Variants in SORCS1 observed in about 807,000 individuals in gnomAD.
SORCS1 encodes sortilin related VPS10 domain containing receptor 1.
SORCS1 carries 60 observed loss-of-function variants against 146.1 expected under a neutral mutation model. The ratio of observed to expected loss-of-function variants is 0.41; its 90% CI spans 0.33 to 0.51. SORCS1 has a LOEUF of 0.51. Among genes scored for constraint, SORCS1 ranks in the 20% least tolerant of loss-of-function variants. SORCS1 has a pLI of 0.21. For missense variants in SORCS1, 1,352 were observed against 1,487.6 expected, an observed-to-expected ratio of 0.91 and a Z score of 1.50; for synonymous variants, 637 against 584.0, an observed-to-expected ratio of 1.09 and a Z score of -1.31.
chr10:106,938,259 A>G (rs567338006), intron 2 of SORCS1, among the ~76,000 whole-genome samples: 1 of 152,334 alleles, frequency 6.6e-6, no homozygotes, highest in East Asian at 1.9e-4. Context: ...TCAGGAACTT[A>G]GCACATCAAG....
intron 1 of SORCS1, among the ~76,000 whole-genome samples, chr10:107,120,968 A>C (rs1966370450): frequency 6.6e-6 from 1 of 152,192 alleles, no homozygotes; most frequent in African/African-American, 2.4e-5. Flanking sequence ...CTTAGGGTCT[A>C]TATGCCAAAA....
intron 1 of SORCS1, among the ~76,000 whole-genome samples, chr10:106,967,971 G>A (rs901733612): frequency 9.9e-5 from 15 of 151,588 alleles, no homozygotes; most frequent in African/African-American, 2.2e-4. Context: ...TTGGGAGGCC[G>A]AGGCAGGCGG....
intron 18 of SORCS1, among the ~76,000 whole-genome samples, chr10:106,632,723 T>G (rs1195168061): frequency 1.3e-5 from 2 of 152,186 alleles, no homozygotes; most frequent in African/African-American, 2.4e-5. Flanking sequence ...GCACTTTAAT[T>G]AACTAATCAT....
chr10:106,592,863 T>C (rs1350076749), intron 24 of SORCS1, among the ~76,000 whole-genome samples: 1 of 151,604 alleles, frequency 6.6e-6, no homozygotes, highest in Non-Finnish European at 1.5e-5. Context: ...TAAAAGCAAT[T>C]GTGGTGGCTC....
In SORCS1 at chr10:106,776,518, A is replaced by T. The variant is rs1053010321; in HGVS notation, c.885+16T>A. 3.7e-6 allele frequency: 6 copies of T among 1,613,262 alleles called. No individual in the cohort carries two copies. The Middle Eastern group carries it at 4.9e-4, about 133-fold the overall frequency. ...GAACCATGCTTCATTGTCTCAAACA[A>T]GGTAAGTATGCTCACCTTTTGGTCT... On this transcript the variant is annotated intron_variant, in intron 4 of 25. Transcript: ENST00000263054.
the SORCS1 span, among the ~76,000 whole-genome samples, chr10:107,177,755 T>C: frequency 6.6e-6 from 1 of 152,232 alleles, no homozygotes; most frequent in Non-Finnish European, 1.5e-5. Flanking sequence ...ATTTTGAATA[T>C]TCTCTTCTAG....
At chr10:106,885,022 A>C (rs1950941999) in intron 2 of SORCS1, among the ~76,000 whole-genome samples, 1 of 152,220 alleles carries the variant, frequency 6.6e-6, no homozygotes, top group Non-Finnish European at 1.5e-5. Context: ...ATCAAGGATA[A>C]AGACTGATAA....
intron 17 of SORCS1, among the ~76,000 whole-genome samples, chr10:106,657,639 T>A (rs1589589487): frequency 7.0e-6 from 1 of 142,490 alleles, no homozygotes; most frequent in African/African-American, 2.6e-5. Context: ...ATATTATATA[T>A]CTCAAAAATA....
At chr10:106,641,597 T>C (rs1044925600) in intron 18 of SORCS1, among the ~76,000 whole-genome samples, 1 of 152,212 alleles carries the variant, frequency 6.6e-6, no homozygotes, top group Non-Finnish European at 1.5e-5. Context: ...GTTTCAGTTT[T>C]ATCTCTATGC....
chr10:106,920,911 G>A (rs974584889), intron 2 of SORCS1, among the ~76,000 whole-genome samples: 2 of 152,082 alleles, frequency 1.3e-5, no homozygotes. Flanking sequence ...CATGAGGCCT[G>A]CTTGTCCCTC....
intron 19 of SORCS1, among the ~76,000 whole-genome samples, chr10:106,625,828 A>C (rs1848072744): frequency 6.6e-6 from 1 of 151,632 alleles, no homozygotes; most frequent in African/African-American, 2.4e-5. Flanking sequence ...TTTCTGCAAG[A>C]CTGGCTGCGA....
At chr10:106,667,934 A>C (rs867479196) in intron 16 of SORCS1, 132 bp from the exon 17 acceptor site, 153 of 620,956 alleles carry the variant, frequency 2.5e-4, no homozygotes, top group African/African-American at 2.4e-3. Context: ...CAAAAAAAAA[A>C]AACACAAGCA....
At chr10:106,785,944 G>T (rs1201737165) in intron 3 of SORCS1, among the ~76,000 whole-genome samples, 1 of 152,144 alleles carries the variant, frequency 6.6e-6, no homozygotes, top group Non-Finnish European at 1.5e-5. Flanking sequence ...GGTGGAAAAG[G>T]GTCAATGTGC....
At chr10:106,790,747 C>T (rs898588134) in intron 3 of SORCS1, among the ~76,000 whole-genome samples, 1 of 152,154 alleles carries the variant, frequency 6.6e-6, no homozygotes, top group African/African-American at 2.4e-5. Context: ...AAGAGTGCTC[C>T]TAGTGATGGC....
chr10:106,728,353 T>C (rs1041517138), intron 6 of SORCS1, among the ~76,000 whole-genome samples: 12 of 152,190 alleles, frequency 7.9e-5, no homozygotes, highest in African/African-American at 2.9e-4. Flanking sequence ...GAATCCAAGA[T>C]AACATCATCT....
At chr10:106,796,606 T>A (rs1414585428) in intron 3 of SORCS1, among the ~76,000 whole-genome samples, 2 of 152,212 alleles carry the variant, frequency 1.3e-5, no homozygotes, top group Non-Finnish European at 2.9e-5. Flanking sequence ...ATCTTTCTTC[T>A]CTTTTCCTGG....
At chr10:106,798,557 G>A (rs933568544) in intron 3 of SORCS1, among the ~76,000 whole-genome samples, 22 of 150,852 alleles carry the variant, frequency 1.5e-4, no homozygotes, top group South Asian at 1.0e-3. Flanking sequence ...TTGTCCTTGC[G>A]ATAGTTTGCT....
intron 1 of SORCS1, among the ~76,000 whole-genome samples, chr10:107,044,956 A>G (rs970789005): frequency 6.6e-6 from 1 of 152,166 alleles, no homozygotes; most frequent in Non-Finnish European, 1.5e-5. Context: ...CATTTGACAT[A>G]AGGCTTTAGG....
intron 17 of SORCS1, among the ~76,000 whole-genome samples, chr10:106,660,072 C>T (rs1850608434): frequency 1.3e-5 from 2 of 152,052 alleles, no homozygotes; most frequent in East Asian, 3.9e-4. Context: ...GCCAATTATT[C>T]TCCTTGACGC....
Sources: allele counts gnomAD v4.1 joint callset (sites outside exome capture counted in the v4.1 genomes callset), GRCh38; gene constraint gnomAD v4.1.1; transcripts MANE v1.5; gene names NCBI Gene and HGNC (gene_info 2026-07-23, HGNC 2026-07-21).